Variants in SPAST observed in about 807,000 individuals in gnomAD.
SPAST encodes spastic paraplegia 4 (autosomal dominant; spastin).
Under a neutral mutation model 76.6 loss-of-function variants are expected in SPAST, and 30 were observed. The observed-to-expected ratio is 0.39, with a 90% CI of 0.29 to 0.53. The LOEUF (loss-of-function observed/expected upper bound fraction) is 0.53. SPAST is among the 20% of genes least tolerant of loss of function. The probability of loss-of-function intolerance (pLI) is 0.68; values close to 1 mark genes in which losing one functional copy is unlikely to be tolerated. For synonymous variants in SPAST, 305 were observed against 281.0 expected, an observed-to-expected ratio of 1.09 and a Z score of -0.86; for missense variants, 717 against 770.5, an observed-to-expected ratio of 0.93 and a Z score of 0.82.
chr2:32,117,574 C>T (rs1445220506), intron 7 of SPAST, among the ~76,000 whole-genome samples: 1 of 149,556 alleles, frequency 6.7e-6, no homozygotes, highest in Non-Finnish European at 1.5e-5. Flanking sequence ...TCCTGTTACC[C>T]AGGCTGGAGT....
At chr2:32,079,216 G>A (rs1237843235) in intron 1 of SPAST, among the ~76,000 whole-genome samples, 1 of 152,148 alleles carries the variant, frequency 6.6e-6, no homozygotes, top group African/African-American at 2.4e-5. Context: ...GGATATCACT[G>A]ATTAGAACTG....
intron 12 of SPAST, among the ~76,000 whole-genome samples, chr2:32,140,346 C>G (rs753856536): frequency 6.6e-6 from 1 of 152,144 alleles, no homozygotes; most frequent in Non-Finnish European, 1.5e-5. Context: ...TCCATAAGCT[C>G]TTACATTTCA....
Position 32,156,661 on chromosome 2 carries a change from AT to A in SPAST, c.*2167del, listed in dbSNP as rs1471692550. On this transcript the variant is annotated 3_prime_UTR_variant, in exon 17 of 17. Transcript: ENST00000315285. ...AAATTTCATTGTTTTCATTTAAAAG[AT>A]TAACGTTATTGATACTTGGATAACT... 3 of 119,248 alleles carry A rather than the reference AT, an allele frequency of 2.5e-5. No homozygotes were observed. Among genetic ancestry groups the A allele is most frequent in the Non-Finnish European group, 5.5e-5 (3 of 54,578 alleles). The allele number at this position is 119,248 out of a possible 1,614,324, so 7.4% of individuals were successfully genotyped here.
intron 4 of SPAST, among the ~76,000 whole-genome samples, chr2:32,104,227 G>A (rs1226091525): frequency 6.6e-6 from 1 of 152,072 alleles, no homozygotes; most frequent in African/African-American, 2.4e-5. Flanking sequence ...TGTCTCTTTT[G>A]ATCTTTGTTG....
intron 1 of SPAST, 122 bp downstream of exon 1, chr2:32,064,368 T>A (rs545113384): frequency 1.1e-6 from 1 of 912,272 alleles, no homozygotes; most frequent in East Asian, 2.7e-5. Context: ...GGAATTGATA[T>A]GCCCCGGGAG....
At chr2:32,103,554 A>T (rs1003378844) in intron 4 of SPAST, among the ~76,000 whole-genome samples, 2 of 151,828 alleles carry the variant, frequency 1.3e-5, no homozygotes, top group African/African-American at 4.8e-5. Flanking sequence ...TTTAATGGTG[A>T]TGTTAGGGTG....
chr2:32,096,210 A>G (rs1677908250), intron 3 of SPAST, among the ~76,000 whole-genome samples: 1 of 151,016 alleles, frequency 6.6e-6, no homozygotes, highest in Admixed American at 6.6e-5. Flanking sequence ...CGAGGCGGGC[A>G]GATCACCTGA....
chr2:32,116,248 AT>A (rs750514268), intron 7 of SPAST, 36 bp downstream of exon 7: 1 of 1,314,466 alleles, frequency 7.6e-7, no homozygotes, highest in Non-Finnish European at 1.1e-6. Flanking sequence ...CTATAATACC[AT>A]CTGTTACTGA....
At position 32,114,737 on chromosome 2, in the gene SPAST, C is replaced by CAAA; in HGVS notation, c.783_784insAAA (p.Ser261_Gly262insLys). On this transcript the variant is annotated inframe_insertion, in exon 5 of 17. Coordinates refer to ENST00000315285, the MANE Select transcript of SPAST (RefSeq NM_014946.4). ...ATGAAAACTGGATCTGCAGGCCTTT[C>CAAA]AGGCCACCATAGAGCACCTAGTTAC... 1.2e-6 allele frequency: 2 copies of CAAA among 1,613,922 alleles called. No individual in the cohort carries two copies. The highest frequency in any genetic ancestry group is 1.7e-6 in the Non-Finnish European group (2 of 1,179,824).
intron 14 of SPAST, among the ~76,000 whole-genome samples, chr2:32,144,672 G>A (rs1395211512): frequency 6.6e-6 from 1 of 152,066 alleles, no homozygotes; most frequent in Non-Finnish European, 1.5e-5. Flanking sequence ...GATCACCTGA[G>A]GTCAGGAGTT....
intron 7 of SPAST, among the ~76,000 whole-genome samples, chr2:32,123,709 A>G (rs576323239): frequency 3.3e-5 from 5 of 152,352 alleles, no homozygotes; most frequent in African/African-American, 1.2e-4. Context: ...AGAGCCTAGA[A>G]ATCAACCCAC....
At chr2:32,127,662 T>A (rs1679239312) in intron 8 of SPAST, 1 of 152,192 alleles carries the variant, frequency 6.6e-6, no homozygotes, top group Non-Finnish European at 1.5e-5. Context: ...TAGCTTTTTT[T>A]TTTTTTTAAG....
rs1365743095 is a variant in SPAST, at chr2:32,156,743, C to G, written c.*2247C>G. On this transcript the variant is annotated 3_prime_UTR_variant, in exon 17 of 17. Transcript: ENST00000315285. ...CAGCTCAACTTTTAATATATTGTCT[C>G]CTTTAAAACTATCATGGTTATAATT... 1 of 152,066 alleles carries G rather than the reference C, an allele frequency of 6.6e-6. No homozygotes were observed. Among genetic ancestry groups the G allele is most frequent in the Non-Finnish European group, 1.5e-5 (1 of 68,002 alleles). 9.4% of individuals were successfully genotyped at this position (152,066 alleles called of 1,614,324 possible).
At chr2:32,154,055 TTGTC>T (rs960651604) in intron 16 of SPAST, among the ~76,000 whole-genome samples, 3 of 152,236 alleles carry the variant, frequency 2.0e-5, no homozygotes, top group East Asian at 1.9e-4. Flanking sequence ...TTTTTTCTCT[TTGTC>T]TGTATTTTTG....
At chr2:32,094,829 G>A (rs1212729404) in intron 3 of SPAST, among the ~76,000 whole-genome samples, 4 of 152,204 alleles carry the variant, frequency 2.6e-5, no homozygotes, top group East Asian at 1.9e-4. Context: ...AATTAGCTGC[G>A]TGTGGTGGCC....
chr2:32,072,907 G>T (rs1198756642), intron 1 of SPAST, among the ~76,000 whole-genome samples: 1 of 152,130 alleles, frequency 6.6e-6, no homozygotes, highest in Non-Finnish European at 1.5e-5. Flanking sequence ...GAATAAATCT[G>T]ATAAATGGAC....
Position 32,091,290 on chromosome 2 carries a change from TTATTATTC to T in SPAST, c.586+1686_586+1693del, listed in dbSNP as rs1677707027. On this transcript the variant is annotated intron_variant, in intron 3 of 16. Transcript: ENST00000315285. ...ATTATTATTATTATTATTATTATTATTATTATTCGAGATGGAGTCTTGCTTTGTTGCCC... is the reference window on the plus strand; with the variant it reads ...ATTATTATTATTATTATTATTATTATGAGATGGAGTCTTGCTTTGTTGCCC... 6.4e-5 allele frequency among the ~76,000 whole-genome samples: 7 copies of T among 109,888 alleles called. No individual in the cohort carries two copies. In the South Asian group the frequency reaches 1.2e-3, roughly 19 times the overall value. 72.1% of individuals were successfully genotyped at this position (109,888 alleles called of 152,430 possible). A position where few individuals can be genotyped will look rare whatever the true frequency, so the allele number is the denominator to read the frequency against.
At position 32,087,488 on chromosome 2, in the gene SPAST, A is replaced by G. The variant is rs1479869959; in HGVS notation, c.416-4A>G. On this transcript the variant is annotated splice_polypyrimidine_tract_variant and splice_region_variant and intron_variant, in intron 1 of 16. Coordinates refer to ENST00000315285, the MANE Select transcript of SPAST (RefSeq NM_014946.4). ...ATCTATACAAATAATTTTTTATTTT[A>G]AAGCAGGACAGAAGGAGCAAGCTGT... is the stretch of plus-strand genomic sequence containing the variant. 2.5e-6 allele frequency: 4 copies of G among 1,583,562 alleles called. No individual in the cohort carries two copies. In the South Asian group the frequency reaches 4.4e-5, roughly 18 times the overall value.
chr2:32,147,365 T>C, intron 16 of SPAST, 107 bp downstream of exon 16: 1 of 717,760 alleles, frequency 1.4e-6, no homozygotes, highest in Non-Finnish European at 2.3e-6. Flanking sequence ...TTTTTTTTTT[T>C]TTTTTGAGAC....
Sources: allele counts gnomAD v4.1 joint callset (sites outside exome capture counted in the v4.1 genomes callset), GRCh38; gene constraint gnomAD v4.1.1; transcripts MANE v1.5; gene names NCBI Gene and HGNC (gene_info 2026-07-23, HGNC 2026-07-21).